The following CA8 variants were observed in gnomAD, a reference collection of about 807,000 sequenced individuals.
CA8 encodes carbonic anhydrase 8 (inactive).
Under a neutral mutation model 41.4 loss-of-function variants are expected in CA8, and 22 were observed. That is an observed-to-expected ratio of 0.53 (90% CI 0.38 to 0.76). CA8 has a LOEUF of 0.76. CA8 is among the 30% of genes least tolerant of loss of function. The pLI, the probability that CA8 is intolerant of heterozygous loss-of-function variation, is 0.00. For synonymous variants in CA8, 121 were observed against 130.6 expected, an observed-to-expected ratio of 0.93 and a Z score of 0.50; for missense variants, 270 against 352.8, an observed-to-expected ratio of 0.77 and a Z score of 1.88.
intron 3 of CA8, among the ~76,000 whole-genome samples, chr8:60,244,155 C>T (rs935069724): frequency 6.6e-6 from 1 of 152,188 alleles, no homozygotes; most frequent in African/African-American, 2.4e-5. Flanking sequence ...CCCTTACAAA[C>T]AACGAAGAGC....
chr8:60,217,936 C>G (rs1219427835), intron 7 of CA8, among the ~76,000 whole-genome samples: 1 of 152,188 alleles, frequency 6.6e-6, no homozygotes, highest in Non-Finnish European at 1.5e-5. Context: ...TCGGTCATAT[C>G]TCTCTCCTCC....
At chr8:60,275,727 A>G (rs1235873294) in intron 2 of CA8, among the ~76,000 whole-genome samples, 1 of 152,178 alleles carries the variant, frequency 6.6e-6, no homozygotes, top group East Asian at 1.9e-4. Context: ...TCTTGACTGG[A>G]AAAACCTACC....
At position 60,187,464 on chromosome 8, in the gene CA8, T is replaced by C. The variant is rs950263276; in HGVS notation, c.*2557A>G. ...GCAAGCAGAAGTTAGTCTGCTTTCT[T>C]ACTAATCTTACTATTTTGTAAGATT... On this transcript the variant is annotated 3_prime_UTR_variant, in exon 9 of 9. Transcript: ENST00000317995. The C allele has an allele frequency of 6.6e-6, 1 of 152,130 alleles. No individual in the cohort carries two copies. The highest frequency in any genetic ancestry group is 2.4e-5 in the African/African-American group (1 of 41,448). 9.4% of individuals were successfully genotyped at this position (152,130 alleles called of 1,614,324 possible). A position where few individuals can be genotyped will look rare whatever the true frequency, so the allele number is the denominator to read the frequency against.
chr8:60,222,481 C>A (rs997334105), intron 7 of CA8, among the ~76,000 whole-genome samples, 168 bp downstream of exon 7: 1 of 152,218 alleles, frequency 6.6e-6, no homozygotes, highest in Non-Finnish European at 1.5e-5. Context: ...TGGATTCTGT[C>A]CATCCTTGAC....
chr8:60,276,638 T>C (rs1168170956), intron 2 of CA8, among the ~76,000 whole-genome samples: 1 of 151,986 alleles, frequency 6.6e-6, no homozygotes. Flanking sequence ...GCATGAGAAA[T>C]TACATAATGG....
chr8:60,220,490 G>C (rs1266142482), intron 7 of CA8, among the ~76,000 whole-genome samples: 1 of 152,150 alleles, frequency 6.6e-6, no homozygotes, highest in African/African-American at 2.4e-5. Flanking sequence ...GTAGTTATTT[G>C]ATGCTTGGGT....
chr8:60,224,459 G>T, intron 6 of CA8, 78 bp downstream of exon 6: 1 of 874,362 alleles, frequency 1.1e-6, no homozygotes. Flanking sequence ...ACAATATATA[G>T]TTTTACATAG....
At chr8:60,278,240 G>C (rs4737556) in intron 2 of CA8, among the ~76,000 whole-genome samples, 91,572 of 152,080 alleles carry the variant, frequency 0.6, 28,636 homozygotes, top group African/African-American at 0.79. Flanking sequence ...CTTAGTCATT[G>C]CTCTCTGCTC....
rs1209285310 is a variant in CA8, at chr8:60,205,818, TA to T, written c.*35+2931del. The stretch of plus-strand genomic sequence containing the variant: ...TAAAGTTATTTCAGTAAAACATAGC[TA>T]AAATATATCTGAATTATTTTAAACA... On this transcript the variant is annotated intron_variant, in intron 8 of 8. Transcript: ENST00000317995. Among the ~76,000 whole-genome samples the T allele has an allele frequency of 3.3e-5, 5 of 152,330 alleles. No homozygotes were observed. The East Asian group carries it at 9.6e-4, about 29-fold the overall frequency.
chr8:60,200,218 TG>T (rs1203043856), intron 8 of CA8, among the ~76,000 whole-genome samples: 1 of 152,222 alleles, frequency 6.6e-6, no homozygotes, highest in African/African-American at 2.4e-5. Flanking sequence ...GCTGGTGCCT[TG>T]ATCTTGGACT....
chr8:60,243,298 G>A (rs1207150786), intron 3 of CA8, among the ~76,000 whole-genome samples: 3 of 151,774 alleles, frequency 2.0e-5, no homozygotes, highest in Non-Finnish European at 4.4e-5. Flanking sequence ...TCTTTTCCAG[G>A]AGTAAACATC....
chr8:60,213,926 G>A (rs1806928098), intron 7 of CA8, among the ~76,000 whole-genome samples: 1 of 152,108 alleles, frequency 6.6e-6, no homozygotes, highest in Non-Finnish European at 1.5e-5. Context: ...AAAGACGAAT[G>A]CAGGTACATA....
chr8:60,247,629 C>G (rs1585901540), intron 3 of CA8, among the ~76,000 whole-genome samples: 1 of 152,170 alleles, frequency 6.6e-6, no homozygotes, highest in East Asian at 1.9e-4. Context: ...TATATATGTA[C>G]CACATTTTCT....
At chr8:60,213,145 C>T (rs1228673829) in intron 7 of CA8, among the ~76,000 whole-genome samples, 2 of 152,162 alleles carry the variant, frequency 1.3e-5, no homozygotes, top group South Asian at 2.1e-4. Flanking sequence ...TCCTTACCAA[C>T]CTCTCATTCA....
In CA8 at chr8:60,234,630, C is replaced by CT. The variant is rs531681801; in HGVS notation, c.418-2252_418-2251insA. Among the ~76,000 whole-genome samples the CT allele has an allele frequency of 9.2e-4, 140 of 152,264 alleles. 1 individual carries two copies. Among genetic ancestry groups the CT allele is most frequent in the Non-Finnish European group, 1.5e-3 (99 of 68,010 alleles). On this transcript the variant is annotated intron_variant, in intron 3 of 8. Transcript: ENST00000317995. ...AGCCAACCCAAGCTAACAAGGATAA[C>CT]AGAAGGTTGCTATGACCCCCACATG...
intron 8 of CA8, among the ~76,000 whole-genome samples, chr8:60,193,761 CT>C (rs1379712161): frequency 2.0e-5 from 3 of 152,236 alleles, no homozygotes; most frequent in South Asian, 4.1e-4. Context: ...ATGATGGTGT[CT>C]TGGTGTGAGT....
intron 3 of CA8, among the ~76,000 whole-genome samples, chr8:60,244,644 T>C (rs1370647327): frequency 6.6e-6 from 1 of 152,226 alleles, no homozygotes; most frequent in African/African-American, 2.4e-5. Context: ...CAACTTTACA[T>C]AGCTAATAGA....
chr8:60,228,767 G>T (rs1807533518), intron 4 of CA8, among the ~76,000 whole-genome samples: 2 of 152,134 alleles, frequency 1.3e-5, no homozygotes, highest in South Asian at 4.1e-4. Flanking sequence ...ATGCCCTACA[G>T]CATCAAATAT....
chr8:60,208,677 C>T (rs1226437538), intron 8 of CA8, 73 bp downstream of exon 8: 14 of 1,286,674 alleles, frequency 1.1e-5, no homozygotes, highest in Non-Finnish European at 1.5e-5. Context: ...ACCAGGATCA[C>T]AATAAGTGTA....
Sources: allele counts gnomAD v4.1 joint callset (sites outside exome capture counted in the v4.1 genomes callset), GRCh38; gene constraint gnomAD v4.1.1; transcripts MANE v1.5; gene names NCBI Gene and HGNC (gene_info 2026-07-23, HGNC 2026-07-21).